The following ATG7 variants were observed in gnomAD, a reference collection of about 807,000 sequenced individuals.
ATG7 encodes the protein ubiquitin-like modifier-activating enzyme ATG7.
Under a neutral mutation model 82.4 loss-of-function variants are expected in ATG7, and 70 were observed. The observed-to-expected ratio is 0.85, with a 90% CI of 0.70 to 1.04. ATG7 has a LOEUF of 1.04. ATG7 is among the 50% of genes least tolerant of loss of function. The pLI is 0.00. For missense variants in ATG7, 792 were observed against 864.3 expected (o/e 0.92, Z 1.05); for synonymous variants, 287 against 313.0 (o/e 0.92, Z 0.88).
intron 18 of ATG7, among the ~76,000 whole-genome samples, chr3:11,370,335 C>G (rs866914341): frequency 6.6e-6 from 1 of 150,990 alleles, no homozygotes; most frequent in Admixed American, 6.6e-5. Flanking sequence ...CCCTTGGTGA[C>G]TCTAGCTTAA....
At chr3:11,290,710 G>A in intron 3 of ATG7, 1 of 205,568 alleles carries the variant, frequency 4.9e-6, no homozygotes, top group Non-Finnish European at 1.0e-5. Context: ...TTGAGATAGA[G>A]TTTCACCCTT....
At chr3:11,455,869 A>G (rs145275683) in intron 20 of ATG7, among the ~76,000 whole-genome samples, 53 of 152,326 alleles carry the variant, frequency 3.5e-4, no homozygotes, top group Non-Finnish European at 6.0e-4. Flanking sequence ...ACTTACCTCA[A>G]ATACCTAACC....
intron 20 of ATG7, among the ~76,000 whole-genome samples, chr3:11,434,619 T>A (rs1223470063): frequency 6.6e-6 from 1 of 152,240 alleles, no homozygotes; most frequent in African/African-American, 2.4e-5. Flanking sequence ...TATAACTTAC[T>A]TTATAAAATG....
At chr3:11,358,034 GA>G (rs1018414405) in intron 14 of ATG7, among the ~76,000 whole-genome samples, 5 of 149,016 alleles carry the variant, frequency 3.4e-5, no homozygotes, top group African/African-American at 4.9e-5. Context: ...GAAAAGAAAA[GA>G]AAAAAAAAGA....
In ATG7 at chr3:11,395,972, G is replaced by GGT. The variant is rs2079224669; in HGVS notation, c.1956+15921_1956+15922insTG. On this transcript the variant is annotated intron_variant, in intron 19 of 20. Coordinates refer to ENST00000693202, the MANE Select transcript of ATG7 (RefSeq NM_001349232.2). Reference sequence around the variant, plus strand: ...AAAAAAAAAAAAAAAAAAAGGTAGGGGGGGAAGAGTAAAAGTGAAGGTATT... The same window carrying GGT: ...AAAAAAAAAAAAAAAAAAAGGTAGGGGTGGGGAAGAGTAAAAGTGAAGGTATT... Among the ~76,000 whole-genome samples, 7 of 144,292 alleles carry GGT rather than the reference G, an allele frequency of 4.9e-5. 2 individuals are homozygous for GGT. The South Asian group carries it at 9.2e-4, about 19-fold the overall frequency. 94.7% of individuals were successfully genotyped at this position (144,292 alleles called of 152,430 possible). A position where few individuals can be genotyped will look rare whatever the true frequency, so the allele number is the denominator to read the frequency against.
In ATG7 at chr3:11,313,356, T is replaced by G. The variant is rs1948951855; in HGVS notation, c.464T>G (p.Leu155Arg). 1 of 1,613,400 alleles carries G rather than the reference T, an allele frequency of 6.2e-7. No individual in the cohort carries two copies. Among genetic ancestry groups the G allele is most frequent in the East Asian group, 2.2e-5 (1 of 44,846 alleles). Residue 155 changes from leucine to arginine, a missense_variant, in exon 8 of 21, where the codon CTT (leucine) becomes CGT (arginine). By Grantham distance (102) the Leu-to-Arg change is moderately radical. Coordinates refer to ENST00000693202, the MANE Select transcript of ATG7 (RefSeq NM_001349232.2). ...TGGTTTTGCTATCCTGCCCTCTGTC[T>G]TCCAGAGAGTTTACCTCTCATTCAG... ...YYWFCYPALC[L>R]PESLPLIQGP...
intron 19 of ATG7, among the ~76,000 whole-genome samples, chr3:11,422,067 A>AT (rs1289053614): frequency 6.6e-6 from 1 of 152,182 alleles, no homozygotes; most frequent in Non-Finnish European, 1.5e-5. Flanking sequence ...GGCAGAGAAG[A>AT]TTTAGCATAA....
chr3:11,564,984 G>T, the ATG7 span: 1 of 1,527,318 alleles, frequency 6.5e-7, no homozygotes, highest in Admixed American at 2.2e-5. Context: ...CCGCTCCCGG[G>T]GGTCTCTGCG....
intron 18 of ATG7, among the ~76,000 whole-genome samples, chr3:11,365,382 T>A (rs2076533012): frequency 6.6e-6 from 1 of 152,172 alleles, no homozygotes; most frequent in African/African-American, 2.4e-5. Flanking sequence ...CATGAGGAAG[T>A]TCCATCCCTT....
intron 14 of ATG7, among the ~76,000 whole-genome samples, chr3:11,350,243 G>A (rs2606742): frequency 0.8 from 121,862 of 152,170 alleles, 49,251 homozygotes; most frequent in East Asian, 1. Flanking sequence ...ACCACCCACT[G>A]TGTAGCCAGC....
intron 20 of ATG7, among the ~76,000 whole-genome samples, chr3:11,481,492 G>C (rs746336020): frequency 6.6e-6 from 1 of 152,152 alleles, no homozygotes; most frequent in South Asian, 2.1e-4. Flanking sequence ...TATATTTTAC[G>C]TGCAGGTGCT....
chr3:11,486,925 C>T (rs2089743772), intron 20 of ATG7, among the ~76,000 whole-genome samples: 2 of 149,788 alleles, frequency 1.3e-5, no homozygotes, highest in Admixed American at 1.3e-4. Context: ...GAGGGAAGGT[C>T]AGCAGATAAA....
intron 18 of ATG7, among the ~76,000 whole-genome samples, chr3:11,376,364 C>T (rs2077417067): frequency 6.6e-6 from 1 of 152,192 alleles, no homozygotes; most frequent in Admixed American, 6.5e-5. Flanking sequence ...GAATTTTAAA[C>T]TCCAAAACTA....
At chr3:11,545,075 A>G (rs1461051080) in intron 20 of ATG7, among the ~76,000 whole-genome samples, 1 of 152,144 alleles carries the variant, frequency 6.6e-6, no homozygotes, top group Admixed American at 6.5e-5. Flanking sequence ...TAAGCCAAAG[A>G]AGCCTGTGAA....
chr3:11,517,336 C>G (rs1226000536), intron 20 of ATG7, among the ~76,000 whole-genome samples: 6 of 133,194 alleles, frequency 4.5e-5, no homozygotes, highest in African/African-American at 6.6e-5. Context: ...CCAGACTCCA[C>G]CTCAAAAAAA....
At chr3:11,538,098 C>A (rs1468925672) in intron 20 of ATG7, among the ~76,000 whole-genome samples, 1 of 149,724 alleles carries the variant, frequency 6.7e-6, no homozygotes, top group Non-Finnish European at 1.5e-5. Flanking sequence ...CCAGGGCTGA[C>A]AGATGTTCCT....
At chr3:11,473,401 G>A (rs1008997299) in intron 20 of ATG7, among the ~76,000 whole-genome samples, 2 of 152,128 alleles carry the variant, frequency 1.3e-5, no homozygotes, top group African/African-American at 4.8e-5. Flanking sequence ...ATCCCTTTGT[G>A]GGATGGATAT....
chr3:11,479,859 A>G (rs2088715900), intron 20 of ATG7, among the ~76,000 whole-genome samples: 1 of 151,968 alleles, frequency 6.6e-6, no homozygotes, highest in African/African-American at 2.4e-5. Flanking sequence ...TTACTAGAAT[A>G]TGAAATAGTG....
At chr3:11,575,586 A>G in the ATG7 span, among the ~76,000 whole-genome samples, 1 of 152,232 alleles carries the variant, frequency 6.6e-6, no homozygotes, top group Non-Finnish European at 1.5e-5. Context: ...ATCCGGAACC[A>G]CAGTGTGCAC....
Sources: gnomAD v4.1 joint callset for allele counts (sites outside exome capture counted in the v4.1 genomes callset) on GRCh38, gnomAD v4.1.1 for gene constraint, MANE v1.5 for transcripts, NCBI Gene and HGNC (gene_info 2026-07-23, HGNC 2026-07-21) for gene names.